The following SPMIP2 variants were observed in gnomAD, a reference collection of about 807,000 sequenced individuals.
SPMIP2 encodes sperm microtubule inner protein 2.
At chr4:159,035,295 C>A in the SPMIP2 span, 253 of 539,150 alleles carry the variant, frequency 4.7e-4, no homozygotes, top group African/African-American at 4.4e-3. Flanking sequence ...TCTCCAAGAG[C>A]AGAGACAGAT....
the SPMIP2 span, among the ~76,000 whole-genome samples, chr4:158,930,221 C>T: frequency 1.5e-4 from 13 of 87,078 alleles, no homozygotes; most frequent in African/African-American, 6.6e-4. Context: ...CTCTCTCACT[C>T]GCTCTGAGTT....
the SPMIP2 span, chr4:159,007,173 G>C: frequency 2.0e-6 from 2 of 998,834 alleles, no homozygotes; most frequent in Non-Finnish European, 3.1e-6. Context: ...AACAGGTGGA[G>C]ATCTTCAGGC....
chr4:158,997,731 C>A, the SPMIP2 span, among the ~76,000 whole-genome samples: 1 of 152,172 alleles, frequency 6.6e-6, no homozygotes, highest in African/African-American at 2.4e-5. Flanking sequence ...TGACTCACTG[C>A]AGCCTTGAAC....
the SPMIP2 span, among the ~76,000 whole-genome samples, chr4:159,004,950 C>T: frequency 6.6e-6 from 1 of 151,764 alleles, no homozygotes; most frequent in Non-Finnish European, 1.5e-5. Context: ...AAAAAACCAT[C>T]GGCCAGACAC....
chr4:159,035,603 C>T, the SPMIP2 span, among the ~76,000 whole-genome samples: 6 of 152,188 alleles, frequency 3.9e-5, no homozygotes, highest in African/African-American at 1.4e-4. Flanking sequence ...ATTACACACA[C>T]ACAAATATAT....
the SPMIP2 span, among the ~76,000 whole-genome samples, chr4:158,923,548 A>G: frequency 0.57 from 84,633 of 148,624 alleles, 24,316 homozygotes; most frequent in East Asian, 0.88. Context: ...AAAAAATACA[A>G]TTGATTTTGT....
chr4:158,926,865 AG>A, the SPMIP2 span, among the ~76,000 whole-genome samples: 1 of 152,206 alleles, frequency 6.6e-6, no homozygotes, highest in East Asian at 1.9e-4. Context: ...AAGGAAATGG[AG>A]GGCACTGAGG....
chr4:159,012,050 TG>T, the SPMIP2 span, among the ~76,000 whole-genome samples: 2 of 27,702 alleles, frequency 7.2e-5, no homozygotes, highest in South Asian at 4.6e-3. Context: ...AGCAAGACTC[TG>T]TCTCAAAAAA....
chr4:158,999,020 T>C, the SPMIP2 span, among the ~76,000 whole-genome samples: 1 of 151,912 alleles, frequency 6.6e-6, no homozygotes, highest in African/African-American at 2.4e-5. Context: ...TTTAATTAAC[T>C]GGGCATGGTG....
At chr4:158,952,039 G>T in the SPMIP2 span, among the ~76,000 whole-genome samples, 1 of 152,170 alleles carries the variant, frequency 6.6e-6, no homozygotes, top group Non-Finnish European at 1.5e-5. Context: ...TATTTCTGGG[G>T]TAATCTGGGA....
chr4:159,068,403 C>T, the SPMIP2 span, among the ~76,000 whole-genome samples: 1 of 151,096 alleles, frequency 6.6e-6, no homozygotes, highest in Non-Finnish European at 1.5e-5. Context: ...AGCAAACTAT[C>T]ACAAGGACAA....
At chr4:158,978,807 G>T in the SPMIP2 span, among the ~76,000 whole-genome samples, 24 of 151,892 alleles carry the variant, frequency 1.6e-4, no homozygotes, top group African/African-American at 5.3e-4. Context: ...GAGCCTATGT[G>T]TGTCTTTGCA....
chr4:158,940,650 G>T, the SPMIP2 span, among the ~76,000 whole-genome samples: 1 of 151,406 alleles, frequency 6.6e-6, no homozygotes, highest in Non-Finnish European at 1.5e-5. Context: ...TGCAAAGGTG[G>T]AATTAATGTT....
chr4:158,987,782 TAATAA>T, the SPMIP2 span, among the ~76,000 whole-genome samples: 2 of 151,730 alleles, frequency 1.3e-5, no homozygotes, highest in African/African-American at 4.8e-5. Flanking sequence ...AGTATAATAA[TAATAA>T]AATAAAAATA....
the SPMIP2 span, among the ~76,000 whole-genome samples, chr4:158,934,237 G>T: frequency 6.6e-6 from 1 of 152,172 alleles, no homozygotes; most frequent in Non-Finnish European, 1.5e-5. Context: ...TAGACAGGTG[G>T]ATCACTTGAG....
At chr4:158,926,526 C>T in the SPMIP2 span, among the ~76,000 whole-genome samples, 1 of 151,962 alleles carries the variant, frequency 6.6e-6, no homozygotes, top group East Asian at 1.9e-4. Context: ...AAGATGTCAT[C>T]ATAGTTCCGT....
the SPMIP2 span, among the ~76,000 whole-genome samples, chr4:158,992,690 C>T: frequency 0.65 from 98,199 of 152,114 alleles, 31,897 homozygotes; most frequent in Middle Eastern, 0.72. Flanking sequence ...TGATGAAGGC[C>T]GCTCTCTGCT....
chr4:159,015,970 T>A, the SPMIP2 span, among the ~76,000 whole-genome samples: 5 of 152,170 alleles, frequency 3.3e-5, no homozygotes, highest in African/African-American at 1.2e-4. Context: ...CAAAGCTGGG[T>A]GATGCCGCCT....
At chr4:159,016,319 T>C in the SPMIP2 span, among the ~76,000 whole-genome samples, 4 of 152,198 alleles carry the variant, frequency 2.6e-5, no homozygotes, top group African/African-American at 9.6e-5. Flanking sequence ...TGATTTCTCC[T>C]GACAATAGAT....
Sources: allele counts gnomAD v4.1 joint callset (sites outside exome capture counted in the v4.1 genomes callset), GRCh38; gene constraint gnomAD v4.1.1; transcripts MANE v1.5; gene names NCBI Gene and HGNC (gene_info 2026-07-23, HGNC 2026-07-21).